The following NRG1 variants were observed in gnomAD, a reference collection of about 807,000 sequenced individuals.
NRG1 encodes the protein neuregulin 1.
In NRG1, 18 loss-of-function variants were observed where a neutral mutation model predicts 63.8. The ratio of observed to expected loss-of-function variants is 0.28; its 90% CI spans 0.19 to 0.42. The LOEUF is 0.42. Ranked by LOEUF, NRG1 falls within the 10% of genes least tolerant of loss-of-function variation. NRG1 has a pLI of 1.00. For missense variants in NRG1, 762 were observed against 814.7 expected (o/e 0.94, Z 0.79); for synonymous variants, 302 against 301.3 (o/e 1.00, Z -0.02).
intron 5 of NRG1, among the ~76,000 whole-genome samples, chr8:32,625,940 C>T (rs758503806): frequency 7.9e-5 from 12 of 151,786 alleles, no homozygotes; most frequent in Non-Finnish European, 1.2e-4. Context: ...ATTACAGGTG[C>T]GTGCCACCAC....
intron 1 of NRG1, among the ~76,000 whole-genome samples, chr8:32,423,726 T>A (rs1387032583): frequency 6.6e-6 from 1 of 152,130 alleles, no homozygotes; most frequent in East Asian, 1.9e-4. Context: ...CTAACCCACA[T>A]ACACACAGAC....
intron 1 of NRG1, among the ~76,000 whole-genome samples, chr8:32,114,245 A>G (rs1034307954): frequency 1.3e-5 from 2 of 152,212 alleles, no homozygotes; most frequent in African/African-American, 4.8e-5. Context: ...GAGTCATAGC[A>G]AATCTGTCCC....
At chr8:32,197,290 C>T (rs1343431066) in intron 1 of NRG1, among the ~76,000 whole-genome samples, 1 of 152,100 alleles carries the variant, frequency 6.6e-6, no homozygotes, top group Non-Finnish European at 1.5e-5. Flanking sequence ...AAAGGAAGAA[C>T]ATCACAGCCT....
At chr8:32,598,462 TA>T (rs1180512436) in intron 2 of NRG1, among the ~76,000 whole-genome samples, 1 of 152,110 alleles carries the variant, frequency 6.6e-6, no homozygotes, top group Non-Finnish European at 1.5e-5. Context: ...CAATGACATA[TA>T]AAAGTATCAT....
rs80027984 is a variant in NRG1 at position 32,355,965 on chromosome 8, G to C, written c.38-239863G>C. Among the ~76,000 whole-genome samples, 1,242 of 152,134 alleles carry C rather than the reference G, an allele frequency of 8.2e-3. 14 individuals carry two copies. Among genetic ancestry groups the C allele is most frequent in the African/African-American group, 0.028 (1,156 of 41,494 alleles). On this transcript the variant is annotated intron_variant, in intron 1 of 10. Coordinates refer to the NRG1 transcript ENST00000519301. The stretch of plus-strand genomic sequence containing the variant: ...GACAAGGTTTGTTGTGCACGTGCGC[G>C]TGTGTGTGTGCGTGTGTATAACAGT...
rs571107635 is a variant in NRG1 at position 31,718,069 on chromosome 8, T to G, written c.37+78638T>G. 1.2e-4 allele frequency among the ~76,000 whole-genome samples: 18 copies of G among 152,338 alleles called. 1 individual carries two copies. Among genetic ancestry groups the G allele is most frequent in the African/African-American group, 3.1e-4 (13 of 41,582 alleles). On this transcript the variant is annotated intron_variant, in intron 1 of 10. Coordinates refer to the NRG1 transcript ENST00000519301. ...GTCTTGACTCTCTTAAAAACAAGACTGTTCCCATTTTTTAACCTAATGGAT... is the reference window on the plus strand; with the variant it reads ...GTCTTGACTCTCTTAAAAACAAGACGGTTCCCATTTTTTAACCTAATGGAT...
At chr8:31,842,526 AC>A (rs1826290776) in intron 1 of NRG1, among the ~76,000 whole-genome samples, 1 of 152,156 alleles carries the variant, frequency 6.6e-6, no homozygotes, top group Non-Finnish European at 1.5e-5. Context: ...ATATATGCCA[AC>A]ACTATGGGTT....
chr8:31,911,345 C>G (rs2129617479), intron 1 of NRG1, among the ~76,000 whole-genome samples: 1 of 152,218 alleles, frequency 6.6e-6, no homozygotes, highest in East Asian at 1.9e-4. Flanking sequence ...AAATGCTCAC[C>G]AACCGTAGAC....
intron 11 of NRG1, 87 bp downstream of exon 11, chr8:32,760,493 A>G: frequency 1.3e-6 from 2 of 1,581,940 alleles, no homozygotes; most frequent in Middle Eastern, 2.3e-4. Context: ...CAGGAAATCT[A>G]CTCTAATCAG....
intron 1 of NRG1, among the ~76,000 whole-genome samples, chr8:31,980,098 G>T (rs145437300): frequency 0.011 from 1,663 of 152,128 alleles, 28 homozygotes; most frequent in African/African-American, 0.038. Context: ...ACTCAGCCAA[G>T]GTGATGGAAT....
rs533221550 is a variant in NRG1 at position 32,015,851 on chromosome 8, T to G, written c.37+376420T>G. ...TCCTCAACGTAGAAGTTTTCTCTTG[T>G]TTGTTTTTTTTTTTATTCTGAGTTA... On this transcript the variant is annotated intron_variant, in intron 1 of 10. Transcript: ENST00000519301. Among the ~76,000 whole-genome samples, 632 of 147,550 alleles carry G rather than the reference T, an allele frequency of 4.3e-3. 8 individuals are homozygous for G. Among genetic ancestry groups the G allele is most frequent in the African/African-American group, 0.015 (602 of 40,336 alleles).
At chr8:32,106,529 G>A (rs1831281606) in intron 1 of NRG1, among the ~76,000 whole-genome samples, 2 of 152,134 alleles carry the variant, frequency 1.3e-5, no homozygotes, top group African/African-American at 4.8e-5. Flanking sequence ...CCATACAGTT[G>A]GAATCAGTGC....
chr8:31,858,095 C>T (rs758049152), intron 1 of NRG1, among the ~76,000 whole-genome samples: 2 of 152,026 alleles, frequency 1.3e-5, no homozygotes, highest in African/African-American at 4.8e-5. Flanking sequence ...GTCAGGAGAT[C>T]GAGATCATCC....
chr8:32,616,297 A>T (rs1251452125), intron 4 of NRG1, among the ~76,000 whole-genome samples: 1 of 151,556 alleles, frequency 6.6e-6, no homozygotes, highest in Non-Finnish European at 1.5e-5. Flanking sequence ...GTTTGATCCT[A>T]ATGTAATTAT....
intron 1 of NRG1, among the ~76,000 whole-genome samples, chr8:32,256,330 A>G (rs1382893205): frequency 3.3e-5 from 5 of 152,048 alleles, no homozygotes; most frequent in Non-Finnish European, 7.4e-5. Context: ...GGATTTATCT[A>G]CCTTTGGTCT....
At chr8:31,975,088 A>C (rs1429291336) in intron 1 of NRG1, among the ~76,000 whole-genome samples, 1 of 152,160 alleles carries the variant, frequency 6.6e-6, no homozygotes, top group African/African-American at 2.4e-5. Context: ...TTCCATGCAA[A>C]TAATTATAAT....
At chr8:32,517,964 A>G (rs1829993491) in intron 1 of NRG1, among the ~76,000 whole-genome samples, 1 of 152,188 alleles carries the variant, frequency 6.6e-6, no homozygotes, top group Non-Finnish European at 1.5e-5. Context: ...GAGAAACAGG[A>G]GAAGAAAACA....
intron 1 of NRG1, among the ~76,000 whole-genome samples, chr8:32,075,872 C>T (rs866929903): frequency 1.3e-5 from 2 of 152,132 alleles, no homozygotes; most frequent in Non-Finnish European, 2.9e-5. Flanking sequence ...GGGGTTTCGC[C>T]GTCTTGGCCA....
intron 1 of NRG1, among the ~76,000 whole-genome samples, chr8:32,176,094 T>C (rs1466935111): frequency 6.6e-6 from 1 of 152,152 alleles, no homozygotes; most frequent in East Asian, 1.9e-4. Context: ...AAGGCTACAG[T>C]AACCAAAACA....
Sources: allele counts gnomAD v4.1 joint callset (sites outside exome capture counted in the v4.1 genomes callset), GRCh38; gene constraint gnomAD v4.1.1; transcripts MANE v1.5; gene names NCBI Gene and HGNC (gene_info 2026-07-23, HGNC 2026-07-21).